ZPR1: variants seen among roughly 807,000 people sequenced by gnomAD.
The protein encoded by ZPR1 is ZPR1 zinc finger, also known as zinc finger protein ZPR1.
ZPR1 carries 37 observed loss-of-function variants against 59.6 expected under a neutral mutation model. That is an observed-to-expected ratio of 0.62 (90% CI 0.48 to 0.82). The LOEUF (loss-of-function observed/expected upper bound fraction) is 0.82, where lower values mean the gene tolerates loss of function less well. ZPR1 is among the 40% of genes least tolerant of loss of function. The probability of loss-of-function intolerance (pLI) is 0.00; values close to 1 mark genes in which losing one functional copy is unlikely to be tolerated. For missense variants in ZPR1, 527 were observed against 579.9 expected (o/e 0.91, Z 0.94); for synonymous variants, 191 against 215.2 (o/e 0.89, Z 0.99).
chr11:116,787,116 G>T, intron 2 of ZPR1, 57 bp from the exon 3 acceptor site: 1 of 1,453,084 alleles, frequency 6.9e-7, no homozygotes, highest in South Asian at 1.1e-5. Context: ...TTCTCCTCAA[G>T]TAATAACCAG....
At position 116,777,663 on chromosome 11, in the gene ZPR1, CAAA is replaced by C. The variant is rs10557251; in HGVS notation, c.*1259_*1261del. ...CAACAGCGCGAGACTCTGTCTCTAC[CAAA>C]AAAAAAAAAAAAAAAAGTTTGCAAC... On this transcript the variant is annotated 3_prime_UTR_variant, in exon 14 of 14. Transcript: ENST00000227322. 3.9e-3 allele frequency: 508 copies of C among 130,840 alleles called. 2 individuals are homozygous for C. Among genetic ancestry groups the C allele is most frequent in the African/African-American group, 9.7e-3 (343 of 35,332 alleles). 8.1% of individuals were successfully genotyped at this position (130,840 alleles called of 1,614,324 possible). A position where few individuals can be genotyped will look rare whatever the true frequency, so the allele number is the denominator to read the frequency against.
rs1293335054 is a variant in ZPR1 at position 116,775,420 on chromosome 11, T to G, written c.*3505A>C. 1 of 142,196 alleles carries G rather than the reference T, an allele frequency of 7.0e-6. No homozygotes were observed. The highest frequency in any genetic ancestry group is 1.5e-5 in the Non-Finnish European group (1 of 66,994). The allele number at this position is 142,196 out of a possible 1,614,324, so 8.8% of individuals were successfully genotyped here. On this transcript the variant is annotated 3_prime_UTR_variant, in exon 14 of 14. Coordinates refer to ENST00000227322, the MANE Select transcript of ZPR1 (RefSeq NM_003904.5). ...CTGCAGTGAGCCAAGATCGCACCACTGCACTCCATCCTGGGTGACAGAGCA... is the reference window on the plus strand; with the variant it reads ...CTGCAGTGAGCCAAGATCGCACCACGGCACTCCATCCTGGGTGACAGAGCA...
At chr11:116,780,841 C>T (rs544691331) in intron 12 of ZPR1, among the ~76,000 whole-genome samples, 4 of 152,044 alleles carry the variant, frequency 2.6e-5, no homozygotes, top group South Asian at 4.1e-4. Flanking sequence ...GCCCTTAACA[C>T]TGAAAGATGG....
chr11:116,779,019 T>C lies in ZPR1; in HGVS notation c.1286A>G (p.Glu429Gly). 6.2e-7 allele frequency: 1 copy of C among 1,614,204 alleles called. No homozygotes were observed. The highest frequency in any genetic ancestry group is 8.5e-7 in the Non-Finnish European group (1 of 1,180,050). ...TTGGTCAAAGGTGCGCTTGTAACGC[T>C]CCACCTTCATCTCAGGATCATCTTC... is the stretch of plus-strand genomic sequence containing the variant. ...APEDDPEMKV[E>G]RYKRTFDQNE... The change falls in exon 14 of 14, where the codon GAG (glutamate) becomes GGG (glycine). Residue 429 changes from glutamate to glycine, a missense_variant. Transcript: ENST00000227322.
chr11:116,787,994 C>T lies in ZPR1; in HGVS notation c.-4G>A. On this transcript the variant is annotated 5_prime_UTR_variant, in exon 1 of 14. Coordinates refer to ENST00000227322, the MANE Select transcript of ZPR1 (RefSeq NM_003904.5). ...CCACAGCCCCGCTGGCCGCCATGGC[C>T]ACCACGCGCAATTCAGACCTCGGCT... 1 of 1,428,218 alleles carries T rather than the reference C, an allele frequency of 7.0e-7. No homozygotes were observed. Among genetic ancestry groups the T allele is most frequent in the Non-Finnish European group, 9.1e-7 (1 of 1,102,830 alleles). 88.5% of individuals were successfully genotyped at this position (1,428,218 alleles called of 1,614,324 possible). A position where few individuals can be genotyped will look rare whatever the true frequency, so the allele number is the denominator to read the frequency against.
chr11:116,787,406 G>T lies in ZPR1; in HGVS notation c.333+76C>A, dbSNP rs2075294. 0.028 allele frequency: 41,543 copies of T among 1,483,964 alleles called. 1,434 individuals carry two copies. The highest frequency in any genetic ancestry group is 0.19 in the East Asian group (8,090 of 43,554). 91.9% of individuals were successfully genotyped at this position (1,483,964 alleles called of 1,614,324 possible). On this transcript the variant is annotated intron_variant, in intron 2 of 13. Coordinates refer to ENST00000227322, the MANE Select transcript of ZPR1 (RefSeq NM_003904.5). ...AGGGGGATTTATTTAAGATCCGACC[G>T]CCTGGACCAGAGCTCTGACCCCAGT...
Position 116,787,045 on chromosome 11 carries a change from T to C in ZPR1, c.348A>G (p.Glu116=), listed in dbSNP as rs773951498. Residue 116 remains glutamate (E), a synonymous_variant, in exon 3 of 14, where the codon GAA becomes GAG. Transcript: ENST00000227322. Reference sequence around the variant, plus strand: ...TGGCAGCAGAGTCAGTCTTCACCACTTCTCTGTTCATGTCCTGGGAAGAAA... The same window carrying C: ...TGGCAGCAGAGTCAGTCTTCACCACCTCTCTGTTCATGTCCTGGGAAGAAA... ...SVRALEDMNR[E]VVKTDSAATR... 16 of 1,614,080 alleles carry C rather than the reference T, an allele frequency of 9.9e-6. No homozygotes were observed. In the South Asian group the frequency reaches 1.5e-4, roughly 16 times the overall value.
Position 116,779,659 on chromosome 11 carries a change from G to A in ZPR1, c.1245+113C>T, listed in dbSNP as rs999173685. ...TGTATCTTCTAACTTCTGCCTCCTT[G>A]GTAAAAAGCAGTCCATTTAGAATCA... On this transcript the variant is annotated intron_variant, in intron 13 of 13. Transcript: ENST00000227322. The A allele has an allele frequency of 1.7e-5, 13 of 752,462 alleles. No individual in the cohort carries two copies. The African/African-American group carries it at 2.3e-4, about 14-fold the overall frequency. 46.6% of individuals were successfully genotyped at this position (752,462 alleles called of 1,614,324 possible). A position where few individuals can be genotyped will look rare whatever the true frequency, so the allele number is the denominator to read the frequency against.
At position 116,783,626 on chromosome 11, in the gene ZPR1, C is replaced by G; in HGVS notation, c.892-7G>C. The G allele has an allele frequency of 1.2e-6, 2 of 1,613,054 alleles. No individual in the cohort carries two copies. The highest frequency in any genetic ancestry group is 1.7e-6 in the Non-Finnish European group (2 of 1,179,062). On this transcript the variant is annotated splice_region_variant and splice_polypyrimidine_tract_variant and intron_variant, in intron 9 of 13. Transcript: ENST00000227322. Reference sequence around the variant, plus strand: ...CTGCTCCTCCAGATTTCACCTGCATCGATAACAGTCAGGAGCAACAGAGAG... The same window carrying G: ...CTGCTCCTCCAGATTTCACCTGCATGGATAACAGTCAGGAGCAACAGAGAG...
chr11:116,779,141 G>C, intron 13 of ZPR1, 82 bp from the exon 14 acceptor site: 1 of 1,560,828 alleles, frequency 6.4e-7, no homozygotes, highest in South Asian at 1.2e-5. Context: ...ACCTTCCCAA[G>C]AACAGAATGA....
rs1246619031 is a variant in ZPR1, at chr11:116,776,375, T to C, written c.*2550A>G. The C allele has an allele frequency of 2.0e-5, 3 of 152,250 alleles. No homozygotes were observed. Among genetic ancestry groups the C allele is most frequent in the East Asian group, 3.8e-4 (2 of 5,200 alleles). 9.4% of individuals were successfully genotyped at this position (152,250 alleles called of 1,614,324 possible). A position where few individuals can be genotyped will look rare whatever the true frequency, so the allele number is the denominator to read the frequency against. On this transcript the variant is annotated 3_prime_UTR_variant, in exon 14 of 14. Coordinates refer to ENST00000227322, the MANE Select transcript of ZPR1 (RefSeq NM_003904.5). Reference sequence around the variant, plus strand: ...CCTATCTTTTTACCTATAGATGTTATCCCTAGTGTCCTAATAGGGTTTAAT... The same window carrying C: ...CCTATCTTTTTACCTATAGATGTTACCCCTAGTGTCCTAATAGGGTTTAAT...
intron 3 of ZPR1, 113 bp from the exon 4 acceptor site, chr11:116,786,694 T>A: frequency 1.1e-6 from 1 of 936,430 alleles, no homozygotes; most frequent in Non-Finnish European, 1.7e-6. Context: ...TCCTCATCTG[T>A]AAAATGAGAA....
At chr11:116,783,067 A>G (rs1418525481) in intron 10 of ZPR1, 38 bp from the exon 11 acceptor site, 1 of 1,550,718 alleles carries the variant, frequency 6.4e-7, no homozygotes, top group Non-Finnish European at 8.9e-7. Flanking sequence ...TTAAGTCAGA[A>G]GCAAAGAAAG....
At chr11:116,779,905 G>T in intron 12 of ZPR1, 68 bp from the exon 13 acceptor site, 1 of 456,486 alleles carries the variant, frequency 2.2e-6, no homozygotes, top group Non-Finnish European at 4.1e-6. Flanking sequence ...CTATGTCGGG[G>T]GAGGGGGGAG....
At position 116,782,850 on chromosome 11, in the gene ZPR1, A is replaced by G; in HGVS notation, c.1092+69T>C. 6.4e-6 allele frequency: 8 copies of G among 1,249,144 alleles called. No individual in the cohort carries two copies. The South Asian group carries it at 9.7e-5, about 15-fold the overall frequency. 77.4% of individuals were successfully genotyped at this position (1,249,144 alleles called of 1,614,324 possible). ...CAGCACCGAAAATTAGGATGTCTGA[A>G]GTCTTCCAGTCCCTCTTCACACAGC... is the stretch of plus-strand genomic sequence containing the variant. On this transcript the variant is annotated intron_variant, in intron 11 of 13. Transcript: ENST00000227322.
chr11:116,781,093 A>G (rs1482116180), intron 12 of ZPR1, among the ~76,000 whole-genome samples: 1 of 152,116 alleles, frequency 6.6e-6, no homozygotes, highest in Non-Finnish European at 1.5e-5. Context: ...AGTTGAGGGA[A>G]TCTCCCAAAG....
rs1167133313 is a variant in ZPR1, at chr11:116,779,785, T to C, written c.1232A>G (p.Asn411Ser). 6.2e-7 allele frequency: 1 copy of C among 1,605,902 alleles called. No homozygotes were observed. Among genetic ancestry groups the C allele is most frequent in the Non-Finnish European group, 8.5e-7 (1 of 1,175,454 alleles). ...GGTCTACTATACCTGCAAGTAACTG[T>C]TTCCTGCTGGATCATCCATAATAAA... ...AHFIMDDPAG[N>S]SYLQNVYAPE... The change falls in exon 13 of 14, where the codon AAC (asparagine) becomes AGC (serine). Residue 411 changes from asparagine to serine, a missense_variant. Transcript: ENST00000227322.
At chr11:116,781,751 G>C (rs906916689) in intron 12 of ZPR1, among the ~76,000 whole-genome samples, 1 of 152,138 alleles carries the variant, frequency 6.6e-6, no homozygotes, top group East Asian at 1.9e-4. Flanking sequence ...GGTGGCTCAC[G>C]CCTGTAATCC....
At chr11:116,787,318 T>C in intron 2 of ZPR1, 164 bp downstream of exon 2, 1 of 748,774 alleles carries the variant, frequency 1.3e-6, no homozygotes. Flanking sequence ...ACAAATCTTA[T>C]CTCACTTGAG....
Sources: gnomAD v4.1 joint callset for allele counts (sites outside exome capture counted in the v4.1 genomes callset) on GRCh38, gnomAD v4.1.1 for gene constraint, MANE v1.5 for transcripts, NCBI Gene and HGNC (gene_info 2026-07-23, HGNC 2026-07-21) for gene names.